The following PPP3R1 variants were observed in gnomAD, a reference collection of about 807,000 sequenced individuals.
The protein encoded by PPP3R1 is calcineurin subunit B type 1.
In PPP3R1, 5 loss-of-function variants were observed where a neutral mutation model predicts 22.6. The observed-to-expected ratio is 0.22, with a 90% CI of 0.12 to 0.46. The LOEUF (loss-of-function observed/expected upper bound fraction) is 0.46, where lower values mean the gene tolerates loss of function less well. Among genes scored for constraint, PPP3R1 ranks in the 20% least tolerant of loss-of-function variants. PPP3R1 has a pLI of 0.99. For synonymous variants in PPP3R1, 56 were observed against 65.2 expected (o/e 0.86, Z 0.68); for missense variants, 61 against 203.2 (o/e 0.30, Z 4.25).
intron 2 of PPP3R1, among the ~76,000 whole-genome samples, chr2:68,191,665 A>G (rs1674671785): frequency 1.3e-5 from 2 of 152,254 alleles, no homozygotes; most frequent in African/African-American, 4.8e-5. Flanking sequence ...ACCACTGTGT[A>G]TATGTGGTCA....
chr2:68,240,507 A>G (rs185297876), intron 1 of PPP3R1, among the ~76,000 whole-genome samples: 1 of 152,382 alleles, frequency 6.6e-6, no homozygotes, highest in East Asian at 1.9e-4. Context: ...GAAAGCGACC[A>G]AACATCTCAA....
At chr2:68,188,731 T>C (rs945300597) in intron 2 of PPP3R1, 41 bp from the exon 3 acceptor site, 4 of 1,511,602 alleles carry the variant, frequency 2.6e-6, no homozygotes, top group African/African-American at 1.4e-5. Flanking sequence ...TTTTTAAAAA[T>C]GTTCCCAAAT....
At chr2:68,206,800 A>G (rs1233207261) in intron 2 of PPP3R1, among the ~76,000 whole-genome samples, 2 of 152,186 alleles carry the variant, frequency 1.3e-5, no homozygotes, top group African/African-American at 4.8e-5. Flanking sequence ...GTGGCACAGG[A>G]AAGAATACAG....
chr2:68,239,866 G>C (rs1670085549), intron 1 of PPP3R1, among the ~76,000 whole-genome samples: 1 of 152,152 alleles, frequency 6.6e-6, no homozygotes, highest in African/African-American at 2.4e-5. Flanking sequence ...GAAAACCTAA[G>C]AGTACACAGA....
intron 2 of PPP3R1, among the ~76,000 whole-genome samples, chr2:68,197,598 T>C (rs1674813469): frequency 1.3e-5 from 2 of 152,220 alleles, no homozygotes; most frequent in Admixed American, 1.3e-4. Flanking sequence ...ATTATTTCAG[T>C]AGCTCCACAT....
chr2:68,220,373 G>A (rs1669665167), intron 1 of PPP3R1, among the ~76,000 whole-genome samples: 1 of 152,152 alleles, frequency 6.6e-6, no homozygotes, highest in Admixed American at 6.6e-5. Flanking sequence ...CCCAAGTCCA[G>A]GAAAAGAACT....
chr2:68,236,402 A>G lies in PPP3R1; in HGVS notation c.3+15723T>C, dbSNP rs542747205. On this transcript the variant is annotated intron_variant, in intron 1 of 5. Transcript: ENST00000234310. ...ATTTATTATCTGGTCCTTTGCAGAA[A>G]GAGTTTTCCAACTCATGATCTAAAA... 1.1e-4 allele frequency among the ~76,000 whole-genome samples: 16 copies of G among 152,326 alleles called. No homozygotes were observed. The South Asian group carries it at 3.3e-3, about 32-fold the overall frequency.
chr2:68,217,043 G>GAT, intron 2 of PPP3R1, 49 bp downstream of exon 2: 1 of 1,228,980 alleles, frequency 8.1e-7, no homozygotes, highest in South Asian at 1.4e-5. Flanking sequence ...CACACACAGA[G>GAT]AGAGATGAGT....
chr2:68,188,649 T>G lies in PPP3R1; in HGVS notation c.85A>C (p.Lys29Gln), dbSNP rs1674596433. Residue 29 changes from lysine to glutamine, a missense_variant, in exon 3 of 6, where the codon AAG (lysine) becomes CAG (glutamine). Coordinates refer to ENST00000234310, the MANE Select transcript of PPP3R1 (RefSeq NM_000945.4). The part of the protein sequence containing the change: ...EIKRLGKRFK[K>Q]LDLDNSGSLS... ...GAACCAGAATTGTCCAAATCAAGCTTCTTAAATCTCTTTCCTAGCCTTTTA... is the reference window on the plus strand; with the variant it reads ...GAACCAGAATTGTCCAAATCAAGCTGCTTAAATCTCTTTCCTAGCCTTTTA... 1 of 1,612,204 alleles carries G rather than the reference T, an allele frequency of 6.2e-7. No individual in the cohort carries two copies. The highest frequency in any genetic ancestry group is 1.3e-5 in the African/African-American group (1 of 74,830).
chr2:68,194,760 TAAAC>T (rs895947865), intron 2 of PPP3R1, among the ~76,000 whole-genome samples: 1 of 152,034 alleles, frequency 6.6e-6, no homozygotes, highest in African/African-American at 2.4e-5. Flanking sequence ...GAAAATGAAA[TAAAC>T]AGAATGGTAG....
rs892789201 is a variant in PPP3R1 at position 68,178,858 on chromosome 2, A to C, written c.*2105T>G. The C allele has an allele frequency of 7.9e-4, 121 of 152,560 alleles. No homozygotes were observed. Among genetic ancestry groups the C allele is most frequent in the African/African-American group, 2.9e-3 (121 of 41,422 alleles). 9.5% of individuals were successfully genotyped at this position (152,560 alleles called of 1,614,324 possible). ...CAAAGACCACTGAATACATTCAAGCAAGTTTCAAATATTTTATTTTCTTAT... is the reference window on the plus strand; with the variant it reads ...CAAAGACCACTGAATACATTCAAGCCAGTTTCAAATATTTTATTTTCTTAT... On this transcript the variant is annotated 3_prime_UTR_variant, in exon 6 of 6. Coordinates refer to ENST00000234310, the MANE Select transcript of PPP3R1 (RefSeq NM_000945.4).
In PPP3R1 at chr2:68,179,933, G is replaced by A. The variant is rs956053598; in HGVS notation, c.*1030C>T. 6.6e-6 allele frequency: 1 copy of A among 152,130 alleles called. No individual in the cohort carries two copies. Among genetic ancestry groups the A allele is most frequent in the Admixed American group, 6.5e-5 (1 of 15,272 alleles). 9.4% of individuals were successfully genotyped at this position (152,130 alleles called of 1,614,324 possible). On this transcript the variant is annotated 3_prime_UTR_variant, in exon 6 of 6. Transcript: ENST00000234310. ...CACCAGTTTTTTAGATTAGCTGCAA[G>A]TCTTTTGAAACAAGGGAATTCATGA... is the stretch of plus-strand genomic sequence containing the variant.
At chr2:68,244,748 T>C (rs986588339) in intron 1 of PPP3R1, among the ~76,000 whole-genome samples, 2 of 152,152 alleles carry the variant, frequency 1.3e-5, no homozygotes, top group African/African-American at 4.8e-5. Context: ...TGTCTTTCTT[T>C]CATAAATGTC....
At chr2:68,223,233 A>C (rs1669719562) in intron 1 of PPP3R1, among the ~76,000 whole-genome samples, 1 of 152,178 alleles carries the variant, frequency 6.6e-6, no homozygotes, top group Non-Finnish European at 1.5e-5. Flanking sequence ...ATCTCTACTA[A>C]GAATACAAAA....
At chr2:68,232,319 T>G (rs1268939208) in intron 1 of PPP3R1, among the ~76,000 whole-genome samples, 1 of 145,630 alleles carries the variant, frequency 6.9e-6, no homozygotes, top group Non-Finnish European at 1.5e-5. Context: ...CAAGCATCTG[T>G]AACCCCAGCC....
At chr2:68,207,956 G>C (rs145312631) in intron 2 of PPP3R1, among the ~76,000 whole-genome samples, 2,955 of 152,296 alleles carry the variant, frequency 0.019, 85 homozygotes, top group African/African-American at 0.068. Context: ...AGGAGTTCGA[G>C]ACAAGCCTTG....
At chr2:68,214,591 C>T (rs1306607492) in intron 2 of PPP3R1, among the ~76,000 whole-genome samples, 1 of 152,178 alleles carries the variant, frequency 6.6e-6, no homozygotes, top group African/African-American at 2.4e-5. Context: ...TACTGTCTCA[C>T]ACCAGTCAGA....
chr2:68,198,970 TATTATTTTTTTAAG>T (rs1316803913), intron 2 of PPP3R1, among the ~76,000 whole-genome samples: 1 of 151,708 alleles, frequency 6.6e-6, no homozygotes, highest in Non-Finnish European at 1.5e-5. Flanking sequence ...TTATTTGTAT[TATTATTTTTTTAAG>T]ATGGAGTTTT....
At chr2:68,184,979 G>C (rs1674503798) in intron 5 of PPP3R1, among the ~76,000 whole-genome samples, 2 of 152,194 alleles carry the variant, frequency 1.3e-5, no homozygotes, top group African/African-American at 4.8e-5. Flanking sequence ...CCAGCACTTT[G>C]GGAGGCCAAG....
Sources: gnomAD v4.1 joint callset for allele counts (sites outside exome capture counted in the v4.1 genomes callset) on GRCh38, gnomAD v4.1.1 for gene constraint, MANE v1.5 for transcripts, NCBI Gene and HGNC (gene_info 2026-07-23, HGNC 2026-07-21) for gene names.